The following NASP variants were observed in gnomAD, a reference collection of about 807,000 sequenced individuals.
NASP encodes the protein NASP histone chaperone.
A neutral mutation model predicts 89.5 loss-of-function variants in NASP; 24 were observed. That is an observed-to-expected ratio of 0.27 (90% CI 0.19 to 0.38). The LOEUF (loss-of-function observed/expected upper bound fraction) is 0.38. Ranked by LOEUF, NASP falls within the 10% of genes least tolerant of loss-of-function variation. NASP has a pLI of 1.00. For synonymous variants in NASP, 306 were observed against 324.7 expected (o/e 0.94, Z 0.62); for missense variants, 848 against 921.4 (o/e 0.92, Z 1.03).
chr1:45,615,144 T>C lies in NASP; in HGVS notation c.1798T>C (p.Tyr600His). 6.2e-7 allele frequency: 1 copy of C among 1,614,166 alleles called. No homozygotes were observed. The highest frequency in any genetic ancestry group is 1.1e-5 in the South Asian group (1 of 91,076). Reference protein sequence around the residue: ...LGLAYGYNSQYDEAVAQFSKS... With the variant: ...LGLAYGYNSQHDEAVAQFSKS... Reference sequence around the variant, plus strand: ...CTTGGCTTATGGGTACAACTCTCAGTATGATGAGGCAGTGGCACAGTTCAG... The same window carrying C: ...CTTGGCTTATGGGTACAACTCTCAGCATGATGAGGCAGTGGCACAGTTCAG... Residue 600 changes from tyrosine (Y) to histidine (H), a missense_variant, in exon 10 of 15, where the codon TAT (tyrosine) becomes CAT (histidine). Transcript: ENST00000350030.
intron 3 of NASP, among the ~76,000 whole-genome samples, chr1:45,604,556 C>G (rs1046974792): frequency 6.6e-6 from 1 of 152,210 alleles, no homozygotes; most frequent in Non-Finnish European, 1.5e-5. Flanking sequence ...ATATTCTGCG[C>G]TTTACATCAT....
At chr1:45,608,810 T>C (rs1012550468) in intron 6 of NASP, among the ~76,000 whole-genome samples, 1 of 152,176 alleles carries the variant, frequency 6.6e-6, no homozygotes, top group Non-Finnish European at 1.5e-5. Flanking sequence ...TAGAATCCAC[T>C]GAATTGGTAC....
At chr1:45,614,255 G>A (rs754591277) in intron 8 of NASP, 38 bp from the exon 9 acceptor site, 3 of 1,599,796 alleles carry the variant, frequency 1.9e-6, no homozygotes, top group Non-Finnish European at 1.7e-6. Context: ...GGTTAGACAG[G>A]TACTGTTAAG....
In NASP at chr1:45,584,053, A is replaced by AT. The variant is rs1393196309; in HGVS notation, c.-90dup. The AT allele has an allele frequency of 8.0e-7, 1 of 1,250,864 alleles. No individual in the cohort carries two copies. The highest frequency in any genetic ancestry group is 1.1e-6 in the Non-Finnish European group (1 of 889,414). 77.5% of individuals were successfully genotyped at this position (1,250,864 alleles called of 1,614,324 possible). A position where few individuals can be genotyped will look rare whatever the true frequency, so the allele number is the denominator to read the frequency against. The stretch of plus-strand genomic sequence containing the variant: ...GGCCGCGCGGGGTCTCTAATCTGCC[A>AT]TTTTCTGTCCCTGAGTGAGTCTCTG... On this transcript the variant is annotated 5_prime_UTR_variant, in exon 1 of 15. Coordinates refer to ENST00000350030, the MANE Select transcript of NASP (RefSeq NM_002482.4).
At chr1:45,599,893 A>G (rs1473875024) in intron 2 of NASP, among the ~76,000 whole-genome samples, 1 of 150,964 alleles carries the variant, frequency 6.6e-6, no homozygotes, top group African/African-American at 2.4e-5. Context: ...TATTTTAAGC[A>G]AGCTTCTTTT....
At chr1:45,609,275 A>G (rs1436154633) in intron 6 of NASP, 1 of 152,204 alleles carries the variant, frequency 6.6e-6, no homozygotes, top group African/African-American at 2.4e-5. Flanking sequence ...TAATTGCCAG[A>G]CTACTTCAAG....
At chr1:45,606,737 G>C in intron 5 of NASP, 146 bp downstream of exon 5, 1 of 508,350 alleles carries the variant, frequency 2.0e-6, no homozygotes, top group Non-Finnish European at 3.5e-6. Flanking sequence ...AGATTGCAGT[G>C]GGGATAGCTG....
At chr1:45,594,141 C>T (rs1438176363) in intron 2 of NASP, among the ~76,000 whole-genome samples, 8 of 148,458 alleles carry the variant, frequency 5.4e-5, no homozygotes, top group Non-Finnish European at 1.0e-4. Flanking sequence ...GCCTGGCCAA[C>T]ATGGTGAAAC....
At chr1:45,599,280 C>T (rs536502566) in intron 2 of NASP, among the ~76,000 whole-genome samples, 4 of 152,108 alleles carry the variant, frequency 2.6e-5, no homozygotes, top group Admixed American at 6.6e-5. Context: ...AGGTGCATAC[C>T]GTGATGTCAG....
intron 3 of NASP, among the ~76,000 whole-genome samples, chr1:45,603,649 G>A (rs780253323): frequency 1.2e-4 from 13 of 106,520 alleles, no homozygotes; most frequent in Non-Finnish European, 2.0e-4. Flanking sequence ...CGCTCTTGTT[G>A]CCCTGGCTGG....
intron 6 of NASP, chr1:45,609,730 T>G (rs1483207419): frequency 6.6e-6 from 1 of 152,232 alleles, no homozygotes; most frequent in African/African-American, 2.4e-5. Context: ...CAATACTATG[T>G]GATAGGTAGT....
Position 45,607,894 on chromosome 1 carries a change from C to G in NASP, c.983C>G (p.Ala328Gly), listed in dbSNP as rs535215279. 8.7e-6 allele frequency: 14 copies of G among 1,613,970 alleles called. No individual in the cohort carries two copies. The highest frequency in any genetic ancestry group is 1.2e-5 in the Non-Finnish European group (14 of 1,180,024). The change falls in exon 6 of 15, where the codon GCG (alanine) becomes GGG (glycine). Residue 328 changes from alanine to glycine, a missense_variant. Transcript: ENST00000350030. Reference protein sequence around the residue: ...VVTSENEAGKAVLEQLVGQEV... With the variant: ...VVTSENEAGKGVLEQLVGQEV... The stretch of plus-strand genomic sequence containing the variant: ...ACCTCTGAAAACGAGGCAGGAAAGG[C>G]GGTTCTTGAACAACTGGTAGGTCAA...
At chr1:45,594,993 T>C (rs1643652420) in intron 2 of NASP, among the ~76,000 whole-genome samples, 1 of 151,736 alleles carries the variant, frequency 6.6e-6, no homozygotes, top group Admixed American at 6.6e-5. Flanking sequence ...AATCTTTCCT[T>C]CTTTTTTTTC....
chr1:45,609,701 A>G (rs1390529915), intron 6 of NASP: 1 of 152,176 alleles, frequency 6.6e-6, no homozygotes, highest in East Asian at 1.9e-4. Context: ...ACTCTCATAC[A>G]TTACATCTGA....
rs534850061 is a variant in NASP at position 45,613,179 on chromosome 1, C to T, written c.1437C>T (p.Gly479=). The T allele has an allele frequency of 1.3e-5, 21 of 1,607,062 alleles. No homozygotes were observed. The African/African-American group carries it at 2.6e-4, about 20-fold the overall frequency. Reference sequence around the variant, plus strand: ...AATTTTTACTTGTAGAAACTGAAGGCTCAGAAGAGGATGATAAAGAAAATG... The same window carrying T: ...AATTTTTACTTGTAGAAACTGAAGGTTCAGAAGAGGATGATAAAGAAAATG... ...EQMKEGEETE[G]SEEDDKENDK... is the part of the protein sequence containing the mutation. The change falls in exon 7 of 15, where the codon GGC becomes GGT. Residue 479 remains glycine (G), a synonymous_variant. Coordinates refer to ENST00000350030, the MANE Select transcript of NASP (RefSeq NM_002482.4).
Position 45,615,017 on chromosome 1 carries a change from C to T in NASP, c.1671C>T (p.Asn557=). The T allele has an allele frequency of 1.2e-6, 2 of 1,606,886 alleles. No individual in the cohort carries two copies. The highest frequency in any genetic ancestry group is 1.7e-6 in the Non-Finnish European group (2 of 1,177,530). The part of the protein sequence containing the change: ...KLGEVSVESE[N]YVQAVEEFQS... ...TCTTCTTTTTCTCTTTGTTAGAAAA[C>T]TATGTGCAAGCTGTGGAGGAGTTCC... The change falls in exon 10 of 15, where the codon AAC becomes AAT. Residue 557 remains asparagine (N), a synonymous_variant. Coordinates refer to ENST00000350030, the MANE Select transcript of NASP (RefSeq NM_002482.4).
chr1:45,587,687 T>TATATATATATGTATATAA (rs66829841), intron 1 of NASP, among the ~76,000 whole-genome samples: 1 of 78,200 alleles, frequency 1.3e-5, no homozygotes, highest in Non-Finnish European at 2.3e-5. Flanking sequence ...TATATATATA[T>TATATATATATGTATATAA]AATTAATTTT....
chr1:45,589,752 T>G (rs568931112), intron 1 of NASP, among the ~76,000 whole-genome samples: 3 of 151,580 alleles, frequency 2.0e-5, no homozygotes, highest in Non-Finnish European at 4.4e-5. Context: ...AACAGAAAAA[T>G]TAGCCAGGCG....
At chr1:45,618,035 A>G in intron 14 of NASP, 26 bp from the exon 15 acceptor site, 1 of 1,581,004 alleles carries the variant, frequency 6.3e-7, no homozygotes, top group Non-Finnish European at 8.6e-7. Context: ...AGGCTCACTC[A>G]TGCCCAGGTT....
Sources: allele counts gnomAD v4.1 joint callset (sites outside exome capture counted in the v4.1 genomes callset), GRCh38; gene constraint gnomAD v4.1.1; transcripts MANE v1.5; gene names NCBI Gene and HGNC (gene_info 2026-07-23, HGNC 2026-07-21).